Variants in MEFV observed in about 807,000 individuals in gnomAD.
The protein encoded by MEFV is pyrin.
MEFV carries 60 observed loss-of-function variants against 62.5 expected under a neutral mutation model. The ratio of observed to expected loss-of-function variants is 0.96; its 90% confidence interval spans 0.78 to 1.19. The LOEUF is 1.19. MEFV is among the 50% of genes most tolerant of loss of function. The probability of loss-of-function intolerance (pLI) is 0.00; values close to 1 mark genes in which losing one functional copy is unlikely to be tolerated. For synonymous variants in MEFV, 500 were observed against 415.2 expected, an observed-to-expected ratio of 1.20 and a Z score of -2.48; for missense variants, 1,169 against 1,004.5, an observed-to-expected ratio of 1.16 and a Z score of -2.21.
chr16:3,243,596 C>G lies in MEFV; in HGVS notation c.1891G>C (p.Asp631His). Residue 631 changes from aspartate (D) to histidine (H), a missense_variant, in exon 10 of 10, where the codon GAT (aspartate) becomes CAT (histidine). Physicochemically the swap from Asp to His is moderately conservative, Grantham distance 81. Coordinates refer to ENST00000219596, the MANE Select transcript of MEFV (RefSeq NM_000243.3). ...CAGCTGTCAAATCTTTGCGGGCCAT[C>G]AGGCAGCCTCTCCCACTTGTTTCCA... ...RLGNKWERLPDGPQRFDSCII... is the reference protein window; with the variant it reads ...RLGNKWERLPHGPQRFDSCII... 6.2e-7 allele frequency: 1 copy of G among 1,601,664 alleles called. No homozygotes were observed. Among genetic ancestry groups the G allele is most frequent in the South Asian group, 1.1e-5 (1 of 89,762 alleles).
At chr16:3,248,803 C>T (rs1195410591) in intron 4 of MEFV, 106 bp downstream of exon 4, 4 of 1,598,652 alleles carry the variant, frequency 2.5e-6, no homozygotes, top group Non-Finnish European at 2.6e-6. Context: ...GAGGAGGTGG[C>T]CATCCCTGCT....
Position 3,243,216 on chromosome 16 carries a change from G to A in MEFV, c.2271C>T (p.Ser757=), listed in dbSNP as rs772754956. The A allele has an allele frequency of 8.7e-6, 14 of 1,614,012 alleles. No individual in the cohort carries two copies. The highest frequency in any genetic ancestry group is 1.2e-5 in the Non-Finnish European group (14 of 1,180,044). The change falls in exon 10 of 10, where the codon AGC becomes AGT. Residue 757 remains serine, a synonymous_variant. Coordinates refer to ENST00000219596, the MANE Select transcript of MEFV (RefSeq NM_000243.3). The part of the protein sequence containing the change: ...SFSGPLQPIF[S]PGTRDGGKNT... ...TCTTCCCTCCATCACGTGTCCCAGG[G>A]CTGAAGATAGGTTGAAGGGGCCCAG...
intron 6 of MEFV, among the ~76,000 whole-genome samples, chr16:3,245,283 T>C (rs1299110281): frequency 1.4e-5 from 2 of 147,644 alleles, no homozygotes; most frequent in African/African-American, 5.0e-5. Context: ...AGTGAGACCT[T>C]GTCTCAAGAA....
At chr16:3,251,621 A>G (rs224216) in intron 2 of MEFV, among the ~76,000 whole-genome samples, 72,972 of 152,138 alleles carry the variant, frequency 0.48, 18,123 homozygotes, top group Admixed American at 0.55. Context: ...GATAGTTAGG[A>G]CTTTAGCCAA....
chr16:3,247,902 C>G (rs1411984635), intron 4 of MEFV: 1 of 147,372 alleles, frequency 6.8e-6, no homozygotes, highest in Admixed American at 6.8e-5. Flanking sequence ...ACCACTGCAC[C>G]CCAGCCTGGA....
chr16:3,249,696 C>T lies in MEFV; in HGVS notation c.995G>A (p.Cys332Tyr), dbSNP rs1379609898. ...PVDGTCVRDS[C>Y]SFPEAVSGHP... ...CCCAGAAACTGCCTCGGGGAAGCTG[C>T]AGGAATCACGCACACAGGTACCGTC... The change falls in exon 3 of 10, where the codon TGC becomes TAC. Residue 332 changes from cysteine to tyrosine, a missense_variant. Physicochemically the swap from Cys to Tyr is radical, Grantham distance 194 (BLOSUM62 -2). Transcript: ENST00000219596. The T allele has an allele frequency of 1.2e-6, 2 of 1,613,296 alleles. No homozygotes were observed. Among genetic ancestry groups the T allele is most frequent in the African/African-American group, 1.3e-5 (1 of 74,928 alleles).
chr16:3,243,017 A>G lies in MEFV; in HGVS notation c.*124T>C, dbSNP rs971437430. On this transcript the variant is annotated 3_prime_UTR_variant, in exon 10 of 10. Coordinates refer to ENST00000219596, the MANE Select transcript of MEFV (RefSeq NM_000243.3). ...ATAATCGGGTAGGCTCCGTGGGCAC[A>G]GTAACTATTTTGTTATTTTTGCATT... 3 of 1,129,276 alleles carry G rather than the reference A, an allele frequency of 2.7e-6. No individual in the cohort carries two copies. Among genetic ancestry groups the G allele is most frequent in the African/African-American group, 3.1e-5 (2 of 65,222 alleles). 70.0% of individuals were successfully genotyped at this position (1,129,276 alleles called of 1,614,324 possible). A position where few individuals can be genotyped will look rare whatever the true frequency, so the allele number is the denominator to read the frequency against.
Position 3,254,265 on chromosome 16 carries a change from G to C in MEFV, c.803C>G (p.Ala268Gly). The C allele has an allele frequency of 6.2e-7, 1 of 1,614,266 alleles. No homozygotes were observed. ...TTCTGTTGCCGAGTCCAGATTCGCA[G>C]CTGTCTTTTCCTCTAGAGTCAGGAG... Reference protein sequence around the residue: ...EILLTLEEKTAANLDSATEPR... With the variant: ...EILLTLEEKTGANLDSATEPR... The change falls in exon 2 of 10, where the codon GCT becomes GGT. Residue 268 changes from alanine to glycine, a missense_variant. Ala to Gly is a moderately conservative substitution (Grantham distance 60). Coordinates refer to ENST00000219596, the MANE Select transcript of MEFV (RefSeq NM_000243.3).
chr16:3,250,718 A>G (rs1452792121), intron 2 of MEFV, among the ~76,000 whole-genome samples: 1 of 151,534 alleles, frequency 6.6e-6, no homozygotes, highest in Non-Finnish European at 1.5e-5. Flanking sequence ...ACATGCCACG[A>G]GATACAAGAA....
Position 3,248,805 on chromosome 16 carries a change from AT to A in MEFV, c.1356+103del, listed in dbSNP as rs1285180159. 1.9e-6 allele frequency: 3 copies of A among 1,600,548 alleles called. No homozygotes were observed. In the East Asian group the frequency reaches 6.7e-5, roughly 36 times the overall value. ...CTCTGTCCCCTGAGAGGAGGTGGCCATCCCTGCTGCCCTGTGAACCACAGCA... is the reference window on the plus strand; with the variant it reads ...CTCTGTCCCCTGAGAGGAGGTGGCCACCCTGCTGCCCTGTGAACCACAGCA... On this transcript the variant is annotated intron_variant, in intron 4 of 9. Transcript: ENST00000219596.
At chr16:3,248,720 C>G (rs1958982595) in intron 4 of MEFV, 189 bp downstream of exon 4, 2 of 985,212 alleles carry the variant, frequency 2.0e-6, no homozygotes, top group Admixed American at 6.1e-5. Context: ...GAGGTGACCC[C>G]TGCCTGCTGG....
rs2141665140 is a variant in MEFV at position 3,243,621 on chromosome 16, A to G, written c.1866T>C (p.Leu622=). The G allele has an allele frequency of 1.3e-6, 2 of 1,598,530 alleles. No individual in the cohort carries two copies. The highest frequency in any genetic ancestry group is 1.7e-6 in the Non-Finnish European group (2 of 1,171,536). ...IFSDDLKSVR[L]GNKWERLPDG... is the part of the protein sequence containing the mutation. The stretch of plus-strand genomic sequence containing the variant: ...CAGGCAGCCTCTCCCACTTGTTTCC[A>G]AGTCTAACACTCTTCAGATCATCAG... The change falls in exon 10 of 10, where the codon CTT becomes CTC. Residue 622 remains leucine, a synonymous_variant. Coordinates refer to ENST00000219596, the MANE Select transcript of MEFV (RefSeq NM_000243.3).
In MEFV at chr16:3,244,247, G is replaced by A. The variant is rs772667365; in HGVS notation, c.1759+7C>T. The stretch of plus-strand genomic sequence containing the variant: ...AGGCCAGCACACACCATTACCGCTG[G>A]ACTCACCATTGAACATTTCCATTTC... On this transcript the variant is annotated splice_region_variant and intron_variant, in intron 8 of 9. Transcript: ENST00000219596. 58 of 1,613,918 alleles carry A rather than the reference G, an allele frequency of 3.6e-5. 1 individual carries two copies. The South Asian group carries it at 6.1e-4, about 17-fold the overall frequency.
rs1214124340 is a variant in MEFV at position 3,249,582 on chromosome 16, T to TG, written c.1108dup (p.Gln370ProfsTer7). 6.2e-7 allele frequency: 1 copy of TG among 1,614,176 alleles called. No homozygotes were observed. Among genetic ancestry groups the TG allele is most frequent in the East Asian group, 2.2e-5 (1 of 44,874 alleles). On this transcript the variant is annotated frameshift_variant, in exon 3 of 10. Transcript: ENST00000219596. LOFTEE classifies it high-confidence loss of function. ...GTGGCGCTTACACTGTGGCAGGGGCTGGGGGCTTAGGCTTCCCGGGCTCTT... is the reference window on the plus strand; with the variant it reads ...GTGGCGCTTACACTGTGGCAGGGGCTGGGGGGCTTAGGCTTCCCGGGCTCTT...
intron 7 of MEFV, 70 bp from the exon 8 acceptor site, chr16:3,244,356 G>C: frequency 6.2e-7 from 1 of 1,611,422 alleles, no homozygotes; most frequent in South Asian, 1.1e-5. Context: ...ATGGAGGAGA[G>C]GTTGAAGGCA....
chr16:3,249,873 G>T, intron 2 of MEFV, 93 bp from the exon 3 acceptor site: 1 of 1,009,978 alleles, frequency 9.9e-7, no homozygotes, highest in South Asian at 1.4e-5. Context: ...GCCCTTGCCT[G>T]AGATGTGCGA....
Position 3,246,892 on chromosome 16 carries a change from A to G in MEFV, c.1587+124T>C, listed in dbSNP as rs181993315. 2.9e-5 allele frequency: 28 copies of G among 954,990 alleles called. No homozygotes were observed. In the Admixed American group the frequency reaches 5.3e-4, roughly 18 times the overall value. 59.2% of individuals were successfully genotyped at this position (954,990 alleles called of 1,614,324 possible). On this transcript the variant is annotated intron_variant, in intron 5 of 9. Transcript: ENST00000219596. Reference sequence around the variant, plus strand: ...GAGGCACTGTGGGTCACCAAGACCAAGTCCTATCCTAGGCCTTAGGGGCTT... The same window carrying G: ...GAGGCACTGTGGGTCACCAAGACCAGGTCCTATCCTAGGCCTTAGGGGCTT...
intron 4 of MEFV, chr16:3,248,705 C>A: frequency 7.0e-7 from 1 of 1,427,500 alleles, no homozygotes; most frequent in Non-Finnish European, 9.2e-7. Context: ...ATGACAGGAT[C>A]CTCAGAGGTG....
intron 6 of MEFV, 82 bp downstream of exon 6, chr16:3,246,443 C>T (rs1411068042): frequency 6.6e-7 from 1 of 1,523,612 alleles, no homozygotes; most frequent in African/African-American, 1.4e-5. Context: ...GGAACATCTC[C>T]CTCCCAGGTC....
Sources: gnomAD v4.1 joint callset for allele counts (sites outside exome capture counted in the v4.1 genomes callset) on GRCh38, gnomAD v4.1.1 for gene constraint, MANE v1.5 for transcripts, NCBI Gene and HGNC (gene_info 2026-07-23, HGNC 2026-07-21) for gene names.